The following PPFIA1 variants were observed in gnomAD, a reference collection of about 807,000 sequenced individuals.
PPFIA1 encodes liprin-alpha-1.
Under a neutral mutation model 149.9 loss-of-function variants are expected in PPFIA1, and 25 were observed. The observed-to-expected ratio is 0.17, with a 90% CI of 0.12 to 0.23. PPFIA1 has a LOEUF of 0.23. Among genes scored for constraint, PPFIA1 ranks in the 10% least tolerant of loss-of-function variants. The pLI, the probability that PPFIA1 is intolerant of heterozygous loss-of-function variation, is 1.00. For missense variants in PPFIA1, 1,362 were observed against 1,506.5 expected (o/e 0.90, Z 1.59); for synonymous variants, 549 against 552.8 (o/e 0.99, Z 0.10).
intron 2 of PPFIA1, among the ~76,000 whole-genome samples, chr11:70,273,448 G>T (rs948050744): frequency 3.3e-5 from 5 of 152,070 alleles, no homozygotes; most frequent in Non-Finnish European, 7.4e-5. Flanking sequence ...AGAGAAGTGG[G>T]TTATTTATGT....
chr11:70,369,202 T>C (rs943066051), intron 21 of PPFIA1, among the ~76,000 whole-genome samples: 1 of 152,218 alleles, frequency 6.6e-6, no homozygotes, highest in African/African-American at 2.4e-5. Context: ...CCATAAATGA[T>C]GACAAATCTT....
chr11:70,304,241 C>G lies in PPFIA1; in HGVS notation c.265-20161C>G, dbSNP rs139908457. ...GTAGCAGTTTCTGGAGGGTAGTGCCCTCAGAGGGCATGGAAGCTCTGCACC... is the reference window on the plus strand; with the variant it reads ...GTAGCAGTTTCTGGAGGGTAGTGCCGTCAGAGGGCATGGAAGCTCTGCACC... On this transcript the variant is annotated intron_variant, in intron 2 of 27. Transcript: ENST00000253925. Among the ~76,000 whole-genome samples, 764 of 152,168 alleles carry G rather than the reference C, an allele frequency of 5.0e-3. 10 individuals are homozygous for G. Among genetic ancestry groups the G allele is most frequent in the African/African-American group, 0.017 (722 of 41,502 alleles).
intron 2 of PPFIA1, among the ~76,000 whole-genome samples, chr11:70,295,539 G>A (rs1451145993): frequency 2.1e-5 from 3 of 141,456 alleles, no homozygotes; most frequent in African/African-American, 2.7e-5. Flanking sequence ...CCCGGACGGG[G>A]CGGCTGGCCG....
At chr11:70,365,380 G>GAAAT (rs1297872536) in intron 21 of PPFIA1, 2 of 456,498 alleles carry the variant, frequency 4.4e-6, no homozygotes, top group Non-Finnish European at 8.8e-6. Flanking sequence ...TAGACCACAG[G>GAAAT]AAATGTCTGG....
At chr11:70,326,011 G>A (rs965775136) in intron 5 of PPFIA1, among the ~76,000 whole-genome samples, 1 of 151,938 alleles carries the variant, frequency 6.6e-6, no homozygotes, top group Non-Finnish European at 1.5e-5. Context: ...TCCCAATTGA[G>A]GACCAGCCTA....
chr11:70,317,923 C>T (rs534853903), intron 2 of PPFIA1, among the ~76,000 whole-genome samples: 6 of 152,222 alleles, frequency 3.9e-5, no homozygotes, highest in African/African-American at 7.2e-5. Flanking sequence ...AATAAAACAC[C>T]GATATTCCAC....
At chr11:70,310,321 C>T (rs1213881498) in intron 2 of PPFIA1, among the ~76,000 whole-genome samples, 3 of 152,004 alleles carry the variant, frequency 2.0e-5, no homozygotes, top group Non-Finnish European at 4.4e-5. Context: ...ACAAATGCAC[C>T]CTCCTTAGTT....
At chr11:70,344,720 G>A (rs549362826) in intron 15 of PPFIA1, among the ~76,000 whole-genome samples, 2 of 152,354 alleles carry the variant, frequency 1.3e-5, no homozygotes, top group South Asian at 4.1e-4. Flanking sequence ...TTACAGACCT[G>A]TAGAGTCCTA....
At position 70,313,092 on chromosome 11, in the gene PPFIA1, G is replaced by A. The variant is rs188305854; in HGVS notation, c.265-11310G>A. On this transcript the variant is annotated intron_variant, in intron 2 of 27. Transcript: ENST00000253925. Reference sequence around the variant, plus strand: ...CAGAGGAACAGACGGCATGTTGAGCGAGCTGTAGATTGCTGTGACCGATGT... The same window carrying A: ...CAGAGGAACAGACGGCATGTTGAGCAAGCTGTAGATTGCTGTGACCGATGT... Among the ~76,000 whole-genome samples, 4 of 152,296 alleles carry A rather than the reference G, an allele frequency of 2.6e-5. No individual in the cohort carries two copies. In the East Asian group the frequency reaches 5.8e-4, roughly 22 times the overall value.
At chr11:70,373,096 T>C (rs1405393532) in intron 23 of PPFIA1, among the ~76,000 whole-genome samples, 1 of 152,180 alleles carries the variant, frequency 6.6e-6, no homozygotes, top group Non-Finnish European at 1.5e-5. Flanking sequence ...GCATTTCAGT[T>C]GGAAAACACA....
chr11:70,355,518 C>A, intron 17 of PPFIA1, 121 bp from the exon 18 acceptor site: 1 of 952,796 alleles, frequency 1.0e-6, no homozygotes, highest in Non-Finnish European at 1.5e-6. Flanking sequence ...ATGCATGATG[C>A]ACTTGGTGAG....
intron 23 of PPFIA1, chr11:70,374,610 C>T (rs2057406224): frequency 3.4e-6 from 1 of 290,986 alleles, no homozygotes; most frequent in East Asian, 8.2e-5. Context: ...CAAGTTCTTG[C>T]AGTCCTCTGG....
chr11:70,326,217 C>T, intron 5 of PPFIA1, 45 bp from the exon 6 acceptor site: 4 of 1,107,618 alleles, frequency 3.6e-6, no homozygotes, highest in South Asian at 2.9e-5. Flanking sequence ...ACTTATTTCT[C>T]TTATGTAAGG....
chr11:70,279,722 GGTGTGTGTGTGTGTGTGTGTGTGTGT>G (rs71046599), intron 2 of PPFIA1, among the ~76,000 whole-genome samples: 5 of 135,308 alleles, frequency 3.7e-5, no homozygotes, highest in Non-Finnish European at 7.9e-5. Context: ...TATGTGTCTA[GGTGTGTGTGTGTGTGTGTGTGTGTGT>G]GTGTGTGTGT....
chr11:70,286,984 T>TAC (rs57213147), intron 2 of PPFIA1, among the ~76,000 whole-genome samples: 4,003 of 148,060 alleles, frequency 0.027, 123 homozygotes, highest in African/African-American at 0.064. Flanking sequence ...TATATGCACA[T>TAC]ACACACACAC....
At chr11:70,303,933 G>C (rs2052668690) in intron 2 of PPFIA1, among the ~76,000 whole-genome samples, 1 of 152,220 alleles carries the variant, frequency 6.6e-6, no homozygotes, top group Non-Finnish European at 1.5e-5. Context: ...TTGAACCCAG[G>C]AGGCGGAGGT....
chr11:70,321,572 C>T (rs570340807), intron 2 of PPFIA1, among the ~76,000 whole-genome samples: 2 of 152,036 alleles, frequency 1.3e-5, no homozygotes, highest in African/African-American at 4.8e-5. Context: ...TGAAAACAAA[C>T]AAGAAATTGC....
intron 2 of PPFIA1, among the ~76,000 whole-genome samples, chr11:70,312,164 C>CT (rs916111190): frequency 2.0e-5 from 3 of 151,626 alleles, no homozygotes; most frequent in African/African-American, 4.8e-5. Context: ...ATTTTGTTGT[C>CT]TTTTTTTATT....
In PPFIA1 at chr11:70,331,965, A is replaced by T; in HGVS notation, c.1083A>T (p.Glu361Asp). 3 of 1,608,756 alleles carry T rather than the reference A, an allele frequency of 1.9e-6. No individual in the cohort carries two copies. The highest frequency in any genetic ancestry group is 2.5e-6 in the Non-Finnish European group (3 of 1,178,436). The stretch of plus-strand genomic sequence containing the variant: ...GCTTTGCTCTCATTTTATAGACTGA[A>T]GATAAAAACCGCCAGTTACAGGAGC... ...ANKDSMHRQT[E>D]DKNRQLQERL... The change falls in exon 9 of 28, where the codon GAA becomes GAT. Residue 361 changes from glutamate (E) to aspartate (D), a missense_variant. Physicochemically the swap from Glu to Asp is conservative, Grantham distance 45. Transcript: ENST00000253925.
Sources: gnomAD v4.1 joint callset for allele counts (sites outside exome capture counted in the v4.1 genomes callset) on GRCh38, gnomAD v4.1.1 for gene constraint, MANE v1.5 for transcripts, NCBI Gene and HGNC (gene_info 2026-07-23, HGNC 2026-07-21) for gene names.